TAFA1: variants seen among roughly 807,000 people sequenced by gnomAD.
TAFA1 encodes the protein TAFA chemokine like family member 1.
A neutral mutation model predicts 18.5 loss-of-function variants in TAFA1; 4 were observed. The observed-to-expected ratio is 0.22, with a 90% CI of 0.11 to 0.49. The LOEUF (loss-of-function observed/expected upper bound fraction) is 0.49. Among genes scored for constraint, TAFA1 ranks in the 20% least tolerant of loss-of-function variants. The pLI, the probability that TAFA1 is intolerant of heterozygous loss-of-function variation, is 0.98. For missense variants in TAFA1, 147 were observed against 169.0 expected (o/e 0.87, Z 0.72); for synonymous variants, 56 against 55.2 (o/e 1.01, Z -0.06).
At chr3:68,364,474 A>G (rs1462251550) in intron 2 of TAFA1, among the ~76,000 whole-genome samples, 2 of 152,196 alleles carry the variant, frequency 1.3e-5, no homozygotes, top group Non-Finnish European at 2.9e-5. Flanking sequence ...AGCACCGTAA[A>G]GAGAGATTTG....
intron 2 of TAFA1, among the ~76,000 whole-genome samples, chr3:68,208,150 T>C (rs1338188968): frequency 1.3e-5 from 2 of 151,996 alleles, no homozygotes; most frequent in Admixed American, 1.3e-4. Flanking sequence ...CACTGCTGTA[T>C]GAAGGATATG....
At chr3:68,379,572 G>A (rs943189383) in intron 2 of TAFA1, among the ~76,000 whole-genome samples, 1 of 152,030 alleles carries the variant, frequency 6.6e-6, no homozygotes, top group Non-Finnish European at 1.5e-5. Flanking sequence ...TTTGCCTGTT[G>A]CTTTGTCAAG....
intron 2 of TAFA1, among the ~76,000 whole-genome samples, chr3:68,345,311 TAGA>T (rs1231488454): frequency 1.3e-5 from 2 of 152,154 alleles, no homozygotes; most frequent in East Asian, 3.9e-4. Flanking sequence ...CAGAGAGGCC[TAGA>T]AGAAGAAATC....
rs529248293 is a variant in TAFA1 at position 68,326,639 on chromosome 3, C to T, written c.119-90641C>T. ...TCAGAATTTGATATTTGAAAGAATA[C>T]ATACATTTTTCACCATAAAATAAAA... is the stretch of plus-strand genomic sequence containing the variant. On this transcript the variant is annotated intron_variant, in intron 2 of 4. Transcript: ENST00000478136. Among the ~76,000 whole-genome samples, 6 of 152,206 alleles carry T rather than the reference C, an allele frequency of 3.9e-5. No individual in the cohort carries two copies. The South Asian group carries it at 1.2e-3, about 32-fold the overall frequency.
intron 2 of TAFA1, among the ~76,000 whole-genome samples, chr3:68,017,510 A>C (rs1575575640): frequency 6.6e-6 from 1 of 152,340 alleles, no homozygotes; most frequent in East Asian, 1.9e-4. Flanking sequence ...AATGATTGAC[A>C]CTGGCATGCA....
intron 2 of TAFA1, among the ~76,000 whole-genome samples, chr3:68,351,216 A>G (rs1191542360): frequency 6.6e-6 from 1 of 152,112 alleles, no homozygotes; most frequent in Non-Finnish European, 1.5e-5. Context: ...GAGCAATGGT[A>G]GCCAAAGTTA....
In TAFA1 at chr3:68,545,037, A is replaced by G. The variant is rs1236028281; in HGVS notation, c.*534A>G. ...GGCCAGCTACAGGTGGACTCCTGGA[A>G]TTTGAGGCATCATAATGATACTGAA... On this transcript the variant is annotated 3_prime_UTR_variant, in exon 5 of 5. Transcript: ENST00000478136. 6.6e-6 allele frequency: 1 copy of G among 152,584 alleles called. No homozygotes were observed. Among genetic ancestry groups the G allele is most frequent in the East Asian group, 1.9e-4 (1 of 5,196 alleles). The allele number at this position is 152,584 out of a possible 1,614,324, so 9.5% of individuals were successfully genotyped here. A position where few individuals can be genotyped will look rare whatever the true frequency, so the allele number is the denominator to read the frequency against.
chr3:68,328,879 G>T (rs1372370640), intron 2 of TAFA1, among the ~76,000 whole-genome samples: 1 of 151,794 alleles, frequency 6.6e-6, no homozygotes, highest in Non-Finnish European at 1.5e-5. Flanking sequence ...GGTGACTAGT[G>T]GTAAACCAAG....
chr3:68,167,590 A>C (rs1231043528), intron 2 of TAFA1, among the ~76,000 whole-genome samples: 4 of 151,842 alleles, frequency 2.6e-5, no homozygotes, highest in African/African-American at 4.8e-5. Flanking sequence ...AAAAAAACAA[A>C]AAAAACAGAA....
intron 3 of TAFA1, among the ~76,000 whole-genome samples, chr3:68,512,676 G>C (rs2072866129): frequency 8.4e-6 from 1 of 119,248 alleles, no homozygotes; most frequent in Non-Finnish European, 1.7e-5. Context: ...GTTTTTTGCT[G>C]GTTTTTTGTT....
intron 2 of TAFA1, among the ~76,000 whole-genome samples, chr3:68,139,343 T>C (rs2065643141): frequency 6.6e-6 from 1 of 152,174 alleles, no homozygotes; most frequent in South Asian, 2.1e-4. Context: ...TTCAATAATA[T>C]GTAGGAATGA....
intron 2 of TAFA1, among the ~76,000 whole-genome samples, chr3:68,340,423 AAT>A (rs1183896215): frequency 2.0e-5 from 3 of 152,306 alleles, no homozygotes; most frequent in Admixed American, 2.0e-4. Context: ...ATGTGAATGG[AAT>A]GACTTTAAAT....
Position 68,501,213 on chromosome 3 carries a change from C to G in TAFA1, c.260-37543C>G, listed in dbSNP as rs77769970. ...TAGGGAGCCAAAAATCTGTAAATAT[C>G]TAGTTCCAAACTTAGATCTTTTTAC... On this transcript the variant is annotated intron_variant, in intron 3 of 4. Coordinates refer to ENST00000478136, the MANE Select transcript of TAFA1 (RefSeq NM_213609.4). Among the ~76,000 whole-genome samples the G allele has an allele frequency of 2.4e-3, 349 of 145,886 alleles. 1 individual carries two copies. Among genetic ancestry groups the G allele is most frequent in the African/African-American group, 8.1e-3 (325 of 40,000 alleles).
intron 2 of TAFA1, among the ~76,000 whole-genome samples, chr3:68,413,923 G>T (rs1330495618): frequency 6.6e-6 from 1 of 152,106 alleles, no homozygotes; most frequent in Non-Finnish European, 1.5e-5. Flanking sequence ...GTGATACAGT[G>T]ACCCTCATGG....
chr3:68,034,205 T>C (rs543467540), intron 2 of TAFA1, among the ~76,000 whole-genome samples: 17 of 152,300 alleles, frequency 1.1e-4, no homozygotes, highest in Non-Finnish European at 2.2e-4. Context: ...GATTTTAGCA[T>C]GAAAGGAGAC....
At chr3:68,282,245 G>A (rs569779715) in intron 2 of TAFA1, among the ~76,000 whole-genome samples, 39 of 152,062 alleles carry the variant, frequency 2.6e-4, no homozygotes, top group Non-Finnish European at 4.7e-4. Flanking sequence ...GATTTGGGTG[G>A]GGACACAGCC....
At chr3:68,298,027 C>T (rs1274718751) in intron 2 of TAFA1, among the ~76,000 whole-genome samples, 3 of 152,108 alleles carry the variant, frequency 2.0e-5, no homozygotes, top group African/African-American at 7.2e-5. Context: ...AACAGTGTTT[C>T]CCTCTCAGAC....
At chr3:68,279,211 A>T (rs1365437092) in intron 2 of TAFA1, among the ~76,000 whole-genome samples, 2 of 152,158 alleles carry the variant, frequency 1.3e-5, no homozygotes, top group Admixed American at 1.3e-4. Context: ...TTCAACTGAG[A>T]AACTTTTCTT....
At chr3:68,517,247 C>A (rs1430429509) in intron 3 of TAFA1, among the ~76,000 whole-genome samples, 1 of 152,152 alleles carries the variant, frequency 6.6e-6, no homozygotes, top group Non-Finnish European at 1.5e-5. Flanking sequence ...AATCAGTAAT[C>A]TTTTTATTGT....
Sources: gnomAD v4.1 joint callset for allele counts (sites outside exome capture counted in the v4.1 genomes callset) on GRCh38, gnomAD v4.1.1 for gene constraint, MANE v1.5 for transcripts, NCBI Gene and HGNC (gene_info 2026-07-23, HGNC 2026-07-21) for gene names.